Variants in JAKMIP2 observed in about 807,000 individuals in gnomAD.
The protein encoded by JAKMIP2 is janus kinase and microtubule interacting protein 2.
JAKMIP2 carries 25 observed loss-of-function variants against 115.0 expected under a neutral mutation model. The ratio of observed to expected loss-of-function variants is 0.22; its 90% confidence interval spans 0.16 to 0.30. The LOEUF (loss-of-function observed/expected upper bound fraction) is 0.30, where lower values mean the gene tolerates loss of function less well. Among genes scored for constraint, JAKMIP2 ranks in the 10% least tolerant of loss-of-function variants. The probability of loss-of-function intolerance (pLI) is 1.00; values close to 1 mark genes in which losing one functional copy is unlikely to be tolerated. For synonymous variants in JAKMIP2, 334 were observed against 343.6 expected, an observed-to-expected ratio of 0.97 and a Z score of 0.31; for missense variants, 642 against 957.6, an observed-to-expected ratio of 0.67 and a Z score of 4.35.
At chr5:147,592,178 G>GTT (rs1428620304) in intron 21 of JAKMIP2, among the ~76,000 whole-genome samples, 5 of 152,304 alleles carry the variant, frequency 3.3e-5, no homozygotes, top group Admixed American at 3.3e-4. Context: ...CCAATAGGTA[G>GTT]TTTTTCAAAC....
intron 1 of JAKMIP2, among the ~76,000 whole-genome samples, chr5:147,702,612 G>T (rs1752394155): frequency 3.2e-5 from 1 of 31,028 alleles, no homozygotes; most frequent in Non-Finnish European, 7.8e-5. Flanking sequence ...AGGAAAGAAA[G>T]AAAGAAAGAA....
chr5:147,615,040 T>A (rs1267127859), intron 19 of JAKMIP2, among the ~76,000 whole-genome samples: 1 of 152,184 alleles, frequency 6.6e-6, no homozygotes, highest in Non-Finnish European at 1.5e-5. Context: ...TAGCACTTAT[T>A]GCCACTCTCA....
At chr5:147,765,053 GAGAA>G (rs1755107305) in intron 1 of JAKMIP2, among the ~76,000 whole-genome samples, 1 of 144,674 alleles carries the variant, frequency 6.9e-6, no homozygotes, top group African/African-American at 2.6e-5. Context: ...AGAGAGAAGA[GAGAA>G]GGAAGGAAGG....
intron 4 of JAKMIP2, among the ~76,000 whole-genome samples, chr5:147,649,048 C>A (rs1758269366): frequency 1.3e-5 from 2 of 152,194 alleles, no homozygotes; most frequent in African/African-American, 4.8e-5. Context: ...CTGCCCAATG[C>A]AACTGGCTTC....
intron 1 of JAKMIP2, among the ~76,000 whole-genome samples, chr5:147,774,818 C>T (rs933824477): frequency 2.0e-5 from 3 of 152,106 alleles, no homozygotes; most frequent in Admixed American, 6.6e-5. Flanking sequence ...TTCAGGGGAA[C>T]ATTTCCAGTT....
At chr5:147,713,507 A>C (rs1752859227) in intron 1 of JAKMIP2, among the ~76,000 whole-genome samples, 1 of 152,224 alleles carries the variant, frequency 6.6e-6, no homozygotes, top group Non-Finnish European at 1.5e-5. Context: ...AATTTTAAGT[A>C]CATATGAAAT....
intron 1 of JAKMIP2, among the ~76,000 whole-genome samples, chr5:147,695,676 G>GTGTGTGTGTGTGTT (rs1752074427): frequency 7.1e-6 from 1 of 141,796 alleles, no homozygotes; most frequent in African/African-American, 2.7e-5. Context: ...GTGTGTGTGT[G>GTGTGTGTGTGTGTT]TGAGAGAGAG....
At chr5:147,641,864 T>C in intron 7 of JAKMIP2, 100 bp from the exon 8 acceptor site, 1 of 944,020 alleles carries the variant, frequency 1.1e-6, no homozygotes, top group Non-Finnish European at 1.7e-6. Context: ...GCATTATATT[T>C]GGAATAGAAT....
At chr5:147,735,655 A>T (rs746735885) in intron 1 of JAKMIP2, among the ~76,000 whole-genome samples, 24 of 152,196 alleles carry the variant, frequency 1.6e-4, no homozygotes, top group Non-Finnish European at 2.6e-4. Context: ...AAACCCTATC[A>T]CTTATCATTA....
chr5:147,728,818 T>C (rs988431808), intron 1 of JAKMIP2, among the ~76,000 whole-genome samples: 1 of 152,186 alleles, frequency 6.6e-6, no homozygotes, highest in Non-Finnish European at 1.5e-5. Context: ...CTCTGACTTT[T>C]GAAAATTGTT....
intron 12 of JAKMIP2, among the ~76,000 whole-genome samples, chr5:147,634,409 T>C (rs959946658): frequency 3.3e-5 from 5 of 152,194 alleles, no homozygotes; most frequent in Non-Finnish European, 5.9e-5. Context: ...AGAAATTATG[T>C]GACATTAATA....
intron 16 of JAKMIP2, among the ~76,000 whole-genome samples, chr5:147,627,458 G>C (rs1294972968): frequency 6.6e-6 from 1 of 152,050 alleles, no homozygotes; most frequent in East Asian, 1.9e-4. Context: ...GAAATAGGTA[G>C]ATAAGACTCA....
intron 2 of JAKMIP2, among the ~76,000 whole-genome samples, chr5:147,670,243 A>C (rs1421407384): frequency 6.6e-6 from 1 of 152,234 alleles, no homozygotes; most frequent in Non-Finnish European, 1.5e-5. Flanking sequence ...TAAAATGAAG[A>C]GAAATAGATT....
In JAKMIP2 at chr5:147,782,569, G is replaced by GTT; in HGVS notation, c.-264_-263dup. The GTT allele has an allele frequency of 3.4e-5, 35 of 1,038,994 alleles. No individual in the cohort carries two copies. The highest frequency in any genetic ancestry group is 5.8e-5 in the East Asian group (2 of 34,258). 64.4% of individuals were successfully genotyped at this position (1,038,994 alleles called of 1,614,324 possible). A position where few individuals can be genotyped will look rare whatever the true frequency, so the allele number is the denominator to read the frequency against. On this transcript the variant is annotated 5_prime_UTR_variant, in exon 1 of 22. Transcript: ENST00000616793. ...AACCCAACATCAGCAGTGGCTGCCG[G>GTT]TTTTTTTTTTCCCTCTGTCTCTGGT...
At position 147,644,936 on chromosome 5, in the gene JAKMIP2, G is replaced by A; in HGVS notation, c.997C>T (p.Leu333Phe). Residue 333 changes from leucine (L) to phenylalanine (F), a missense_variant, in exon 6 of 22, where the codon CTC becomes TTC. Coordinates refer to ENST00000616793, the MANE Select transcript of JAKMIP2 (RefSeq NM_001270941.2). ...CKPLLERNKCLAKRNDELMVS... is the reference protein window; with the variant it reads ...CKPLLERNKCFAKRNDELMVS... ...ATCAGTTCATCGTTTCTCTTGGCGA[G>A]GCACTTGTTCCTTTCCAGGAGAGGT... The A allele has an allele frequency of 6.2e-7, 1 of 1,613,784 alleles. No homozygotes were observed. The highest frequency in any genetic ancestry group is 8.5e-7 in the Non-Finnish European group (1 of 1,179,802).
chr5:147,607,211 T>C (rs1756062611), intron 20 of JAKMIP2, among the ~76,000 whole-genome samples: 1 of 152,230 alleles, frequency 6.6e-6, no homozygotes, highest in African/African-American at 2.4e-5. Flanking sequence ...CAATACTATG[T>C]TGAATAGGAG....
chr5:147,609,729 C>T lies in JAKMIP2; in HGVS notation c.2412+2577G>A, dbSNP rs560297158. Reference sequence around the variant, plus strand: ...TGAATTTGAATGTTGGCCTGTCTTGCTAGATTGGGGAAGTTCTCCCGGATA... The same window carrying T: ...TGAATTTGAATGTTGGCCTGTCTTGTTAGATTGGGGAAGTTCTCCCGGATA... On this transcript the variant is annotated intron_variant, in intron 20 of 21. Transcript: ENST00000616793. Among the ~76,000 whole-genome samples the T allele has an allele frequency of 2.0e-5, 3 of 152,254 alleles. No homozygotes were observed. The South Asian group carries it at 6.2e-4, about 32-fold the overall frequency.
intron 1 of JAKMIP2, among the ~76,000 whole-genome samples, chr5:147,690,965 A>G (rs1156708042): frequency 6.6e-6 from 1 of 152,070 alleles, no homozygotes; most frequent in Non-Finnish European, 1.5e-5. Flanking sequence ...TCCTGGGGGT[A>G]GGTGCCTGAA....
intron 1 of JAKMIP2, among the ~76,000 whole-genome samples, chr5:147,675,794 T>TC (rs1385780237): frequency 6.6e-6 from 1 of 151,632 alleles, no homozygotes; most frequent in Non-Finnish European, 1.5e-5. Flanking sequence ...TTTTTTTTTT[T>TC]TTTTTTTTTT....
Sources: gnomAD v4.1 joint callset for allele counts (sites outside exome capture counted in the v4.1 genomes callset) on GRCh38, gnomAD v4.1.1 for gene constraint, MANE v1.5 for transcripts, NCBI Gene and HGNC (gene_info 2026-07-23, HGNC 2026-07-21) for gene names.